CAST: variants seen among roughly 807,000 people sequenced by gnomAD.
CAST encodes MIR583 host.
In CAST, 76 loss-of-function variants were observed where a neutral mutation model predicts 119.6. The observed-to-expected ratio is 0.64, with a 90% CI of 0.53 to 0.77. The LOEUF (loss-of-function observed/expected upper bound fraction) is 0.77, where lower values mean the gene tolerates loss of function less well. Ranked by LOEUF, CAST falls within the 30% of genes least tolerant of loss-of-function variation. The pLI, the probability that CAST is intolerant of heterozygous loss-of-function variation, is 0.00. For missense variants in CAST, 953 were observed against 946.5 expected (o/e 1.01, Z -0.09); for synonymous variants, 319 against 331.6 (o/e 0.96, Z 0.41).
the CAST span, among the ~76,000 whole-genome samples, chr5:96,089,968 C>T: frequency 2.0e-5 from 3 of 152,174 alleles, no homozygotes; most frequent in Non-Finnish European, 4.4e-5. Flanking sequence ...GTTCCTCCCC[C>T]ACTAATTAGC....
intron 1 of CAST, among the ~76,000 whole-genome samples, chr5:96,584,131 GGGA>G (rs1746812831): frequency 6.6e-6 from 1 of 152,182 alleles, no homozygotes; most frequent in African/African-American, 2.4e-5. Flanking sequence ...GACAAGGGGT[GGGA>G]GGAGATGGTT....
At chr5:96,678,772 G>A (rs140352061) in intron 2 of CAST, among the ~76,000 whole-genome samples, 3,500 of 151,920 alleles carry the variant, frequency 0.023, 138 homozygotes, top group African/African-American at 0.08. Context: ...ACTTGAACCC[G>A]GGAGGCAGAG....
the CAST span, among the ~76,000 whole-genome samples, chr5:96,110,567 T>G: frequency 6.6e-6 from 1 of 152,176 alleles, no homozygotes; most frequent in Non-Finnish European, 1.5e-5. Context: ...TTATATAACT[T>G]CAGTCTCCTG....
the CAST span, among the ~76,000 whole-genome samples, chr5:96,224,409 A>G: frequency 2.0e-5 from 3 of 152,174 alleles, no homozygotes; most frequent in Non-Finnish European, 4.4e-5. Context: ...GATTAAGGTA[A>G]GCATCTTGAC....
the CAST span, among the ~76,000 whole-genome samples, chr5:96,260,420 C>T: frequency 5.9e-5 from 9 of 152,188 alleles, no homozygotes; most frequent in Admixed American, 2.6e-4. Context: ...GTTTTCTGTC[C>T]TTTAGCTTCA....
the CAST span, among the ~76,000 whole-genome samples, chr5:96,183,806 C>T: frequency 6.6e-6 from 1 of 152,066 alleles, no homozygotes; most frequent in African/African-American, 2.4e-5. Context: ...TTCCCTTGTT[C>T]TTTAATCTTC....
the CAST span, among the ~76,000 whole-genome samples, chr5:96,030,762 T>C: frequency 6.6e-6 from 1 of 152,164 alleles, no homozygotes; most frequent in African/African-American, 2.4e-5. Flanking sequence ...AAACCATTTT[T>C]GGGCTATGTA....
chr5:96,235,110 G>A, the CAST span, among the ~76,000 whole-genome samples: 1 of 152,102 alleles, frequency 6.6e-6, no homozygotes, highest in Non-Finnish European at 1.5e-5. Flanking sequence ...TTTCCCAAAG[G>A]TGCCCCTCCA....
At chr5:96,366,325 G>A in the CAST span, among the ~76,000 whole-genome samples, 1 of 152,158 alleles carries the variant, frequency 6.6e-6, no homozygotes, top group Admixed American at 6.5e-5. Context: ...CTCTTCTTGA[G>A]GAGTATCTTT....
chr5:96,310,173 A>G, the CAST span, among the ~76,000 whole-genome samples: 2 of 152,206 alleles, frequency 1.3e-5, no homozygotes, highest in Admixed American at 6.5e-5. Context: ...TGACTCCTTC[A>G]TCTGATGACA....
At chr5:96,349,953 G>A in the CAST span, among the ~76,000 whole-genome samples, 278 of 152,266 alleles carry the variant, frequency 1.8e-3, 1 homozygote, top group Admixed American at 3.7e-3. Context: ...TAGAAACGTG[G>A]TGATGAAGTA....
the CAST span, among the ~76,000 whole-genome samples, chr5:96,170,264 A>G: frequency 6.6e-6 from 1 of 152,198 alleles, no homozygotes; most frequent in African/African-American, 2.4e-5. Flanking sequence ...GGTCCTGCAC[A>G]GATGGGACAC....
intron 1 of CAST, among the ~76,000 whole-genome samples, chr5:96,536,154 T>G (rs1459260645): frequency 6.7e-6 from 1 of 149,408 alleles, no homozygotes; most frequent in South Asian, 2.1e-4. Context: ...GGTCAGGAGT[T>G]CAAGACTAGC....
chr5:96,325,449 C>A, the CAST span, among the ~76,000 whole-genome samples: 2 of 138,754 alleles, frequency 1.4e-5, no homozygotes, highest in Admixed American at 1.5e-4. Flanking sequence ...CTTCCTTTTT[C>A]TTTCTTTTAT....
the CAST span, among the ~76,000 whole-genome samples, chr5:96,065,773 C>T: frequency 1.3e-5 from 2 of 152,114 alleles, no homozygotes; most frequent in African/African-American, 4.8e-5. Context: ...TGAGATGACT[C>T]TTAGCTCTGC....
the CAST span, among the ~76,000 whole-genome samples, chr5:96,383,968 T>G: frequency 3.9e-5 from 6 of 152,008 alleles, no homozygotes; most frequent in Admixed American, 3.9e-4. Context: ...ATCAGGGAGA[T>G]GAGTAGGAGG....
intron 1 of CAST, among the ~76,000 whole-genome samples, chr5:96,534,103 C>T (rs1580813318): frequency 6.6e-6 from 1 of 152,142 alleles, no homozygotes; most frequent in Admixed American, 6.5e-5. Flanking sequence ...GTTCCTAATA[C>T]TTAAAGTTTT....
chr5:96,367,819 G>T, the CAST span, among the ~76,000 whole-genome samples: 1 of 151,986 alleles, frequency 6.6e-6, no homozygotes, highest in Non-Finnish European at 1.5e-5. Flanking sequence ...TCGGTGGGCT[G>T]CACCCTCTAT....
In CAST at chr5:96,677,376, G is replaced by A. The variant is rs188970129; in HGVS notation, c.138+1775G>A. On this transcript the variant is annotated intron_variant, in intron 2 of 31. Coordinates refer to ENST00000675179, the MANE Select transcript of CAST (RefSeq NM_001750.7). The stretch of plus-strand genomic sequence containing the variant: ...TTAAATATTACACCTTGGATGTACA[G>A]GATGTACAGGCATTATTGGTATGTA... Among the ~76,000 whole-genome samples the A allele has an allele frequency of 2.6e-3, 395 of 152,324 alleles. 1 individual carries two copies. The highest frequency in any genetic ancestry group is 8.9e-3 in the African/African-American group (370 of 41,572).
Sources: allele counts gnomAD v4.1 joint callset (sites outside exome capture counted in the v4.1 genomes callset), GRCh38; gene constraint gnomAD v4.1.1; transcripts MANE v1.5; gene names NCBI Gene and HGNC (gene_info 2026-07-23, HGNC 2026-07-21).